The following TGDS variants were observed in gnomAD, a reference collection of about 807,000 sequenced individuals.
TGDS encodes the protein TDP-glucose 4,6-dehydratase.
In TGDS, 47 loss-of-function variants were observed where a neutral mutation model predicts 52.3. The ratio of observed to expected loss-of-function variants is 0.90; its 90% confidence interval spans 0.71 to 1.15. TGDS has a LOEUF of 1.15. Ranked by LOEUF, TGDS falls within the 50% of genes most tolerant of loss-of-function variation. The pLI is 0.00. For synonymous variants in TGDS, 115 were observed against 136.9 expected (o/e 0.84, Z 1.12); for missense variants, 375 against 418.4 (o/e 0.90, Z 0.90).
Position 94,578,757 on chromosome 13 carries a change from A to C in TGDS, c.632T>G (p.Ile211Arg). The change falls in exon 8 of 12, where the codon ATA becomes AGA. Residue 211 changes from isoleucine to arginine, a missense_variant. Ile to Arg is a moderately conservative substitution (Grantham distance 97). Transcript: ENST00000261296. ...QYPEKVIPKF[I>R]SLLQHNRKCC... ...TTTCCTGTTGTGCTGTAGCAAAGAT[A>C]TAAATTTTGGAATAACCTAAAAGAA... The C allele has an allele frequency of 6.5e-7, 1 of 1,527,306 alleles. No individual in the cohort carries two copies. Among genetic ancestry groups the C allele is most frequent in the South Asian group, 1.1e-5 (1 of 88,324 alleles). The allele number at this position is 1,527,306 out of a possible 1,614,324, so 94.6% of individuals were successfully genotyped here.
intron 11 of TGDS, among the ~76,000 whole-genome samples, chr13:94,576,004 C>A (rs754647715): frequency 3.0e-4 from 46 of 151,938 alleles, no homozygotes; most frequent in Non-Finnish European, 5.3e-4. Context: ...TTATAAGACA[C>A]CAGTGATTAT....
chr13:94,586,324 T>C (rs919122854), intron 4 of TGDS, among the ~76,000 whole-genome samples: 1 of 152,142 alleles, frequency 6.6e-6, no homozygotes, highest in Non-Finnish European at 1.5e-5. Flanking sequence ...ATGGAAAAAG[T>C]ATCATGAAAA....
chr13:94,589,987 A>G (rs969524873), intron 4 of TGDS, among the ~76,000 whole-genome samples: 5 of 150,208 alleles, frequency 3.3e-5, no homozygotes, highest in African/African-American at 1.2e-4. Flanking sequence ...TCCAAAGTGT[A>G]AAGAACCCAA....
chr13:94,590,982 T>C, intron 3 of TGDS, 39 bp from the exon 4 acceptor site: 2 of 1,421,346 alleles, frequency 1.4e-6, no homozygotes, highest in East Asian at 2.5e-5. Flanking sequence ...CTAGGTTTCA[T>C]ACAGCACTCT....
At position 94,583,161 on chromosome 13, in the gene TGDS, T is replaced by G; in HGVS notation, c.389A>C (p.His130Pro). 9.3e-6 allele frequency: 15 copies of G among 1,614,048 alleles called. No homozygotes were observed. Among genetic ancestry groups the G allele is most frequent in the Non-Finnish European group, 1.3e-5 (15 of 1,179,974 alleles). The change falls in exon 5 of 12, where the codon CAT becomes CCT. Residue 130 changes from histidine to proline, a missense_variant. His to Pro is a moderately conservative substitution (Grantham distance 77). Coordinates refer to ENST00000261296, the MANE Select transcript of TGDS (RefSeq NM_014305.4). ...AATAAACTTCTCCACTCTGGCTTCA[T>G]GAGCAGCACTTACCAAAACGTGAGT... ...YGTHVLVSAA[H>P]EARVEKFIYV... is the part of the protein sequence containing the mutation.
intron 7 of TGDS, 38 bp downstream of exon 7, chr13:94,579,856 T>G: frequency 8.5e-7 from 1 of 1,180,100 alleles, no homozygotes. Context: ...GAAGTTACAA[T>G]CACTGAAAAA....
intron 2 of TGDS, among the ~76,000 whole-genome samples, chr13:94,592,599 C>T (rs1036353795): frequency 6.6e-6 from 1 of 151,952 alleles, no homozygotes; most frequent in Non-Finnish European, 1.5e-5. Context: ...ACTACAGGCA[C>T]CCGCCACCAT....
intron 4 of TGDS, 96 bp downstream of exon 4, chr13:94,590,757 T>A (rs1889167505): frequency 3.1e-6 from 3 of 977,218 alleles, no homozygotes; most frequent in Non-Finnish European, 4.4e-6. Context: ...GTTTTTCTAG[T>A]ACAGTATGAT....
At chr13:94,592,186 T>G in intron 3 of TGDS, 55 bp downstream of exon 3, 1 of 1,333,282 alleles carries the variant, frequency 7.5e-7, no homozygotes, top group Non-Finnish European at 1.0e-6. Context: ...ACAAAGATAC[T>G]ATAATCTCTG....
chr13:94,577,369 AC>A lies in TGDS; in HGVS notation c.884+1del. The A allele has an allele frequency of 6.4e-7, 1 of 1,569,398 alleles. No individual in the cohort carries two copies. Among genetic ancestry groups the A allele is most frequent in the South Asian group, 1.2e-5 (1 of 83,020 alleles). ...TCCCCAAGGTTTTAACTTGTTACTC[AC>A]CTATCATTAACATAATCAACCCAAT... is the stretch of plus-strand genomic sequence containing the variant. On this transcript the variant is annotated splice_donor_variant, in intron 10 of 11. Transcript: ENST00000261296. LOFTEE classifies it high-confidence loss of function.
intron 6 of TGDS, 100 bp downstream of exon 6, chr13:94,580,991 T>TA: frequency 1.4e-6 from 1 of 699,268 alleles, no homozygotes; most frequent in Non-Finnish European, 2.2e-6. Context: ...ATAGAAAACT[T>TA]AAAAATATTT....
chr13:94,581,330 G>T, intron 5 of TGDS, 141 bp from the exon 6 acceptor site: 2 of 515,950 alleles, frequency 3.9e-6, no homozygotes, highest in East Asian at 3.0e-5. Flanking sequence ...GTTTTCCCAA[G>T]GACATGTGGT....
intron 9 of TGDS, among the ~76,000 whole-genome samples, 167 bp from the exon 10 acceptor site, chr13:94,577,596 A>G (rs953868892): frequency 2.0e-5 from 3 of 152,226 alleles, no homozygotes; most frequent in Non-Finnish European, 2.9e-5. Context: ...CCTAAATTCC[A>G]TCTGAAGCTC....
chr13:94,594,338 A>G (rs532403444), intron 1 of TGDS, among the ~76,000 whole-genome samples: 2 of 152,344 alleles, frequency 1.3e-5, no homozygotes, highest in South Asian at 4.1e-4. Flanking sequence ...TCAGTTGTCT[A>G]TATTTAATAG....
At chr13:94,581,318 G>A in intron 5 of TGDS, 129 bp from the exon 6 acceptor site, 1 of 545,764 alleles carries the variant, frequency 1.8e-6, no homozygotes, top group Non-Finnish European at 3.1e-6. Flanking sequence ...TATGTGCCTG[G>A]TGTTTTCCCA....
At chr13:94,576,946 C>T (rs1474797267) in intron 10 of TGDS, among the ~76,000 whole-genome samples, 2 of 151,984 alleles carry the variant, frequency 1.3e-5, no homozygotes, top group African/African-American at 2.4e-5. Context: ...ACTAAAAATA[C>T]GAAAATTAGC....
At chr13:94,593,133 A>G (rs533829653) in intron 2 of TGDS, among the ~76,000 whole-genome samples, 4 of 152,142 alleles carry the variant, frequency 2.6e-5, no homozygotes, top group Non-Finnish European at 5.9e-5. Context: ...CAGCCTGGCA[A>G]CAGAGTGAGA....
chr13:94,578,507 A>G (rs1230340129), intron 8 of TGDS, among the ~76,000 whole-genome samples: 1 of 152,210 alleles, frequency 6.6e-6, no homozygotes, highest in Non-Finnish European at 1.5e-5. Flanking sequence ...TAATGCTATA[A>G]TTCAAAGTTC....
chr13:94,587,898 G>T (rs971057459), intron 4 of TGDS, among the ~76,000 whole-genome samples: 3 of 150,954 alleles, frequency 2.0e-5, no homozygotes, highest in Non-Finnish European at 2.9e-5. Context: ...TCGGGAGGCT[G>T]AGGCAGGAGA....
Sources: allele counts gnomAD v4.1 joint callset (sites outside exome capture counted in the v4.1 genomes callset), GRCh38; gene constraint gnomAD v4.1.1; transcripts MANE v1.5; gene names NCBI Gene and HGNC (gene_info 2026-07-23, HGNC 2026-07-21).